CBFA2T2: variants seen among roughly 807,000 people sequenced by gnomAD.
The protein encoded by CBFA2T2 is CBFA2/RUNX1 partner transcriptional co-repressor 2, also known as protein CBFA2T2.
Under a neutral mutation model 62.2 loss-of-function variants are expected in CBFA2T2, and 11 were observed. The observed-to-expected ratio is 0.18, with a 90% CI of 0.11 to 0.29. The LOEUF (loss-of-function observed/expected upper bound fraction) is 0.29, where lower values mean the gene tolerates loss of function less well. CBFA2T2 is among the 10% of genes least tolerant of loss of function. CBFA2T2 has a pLI of 1.00. For synonymous variants in CBFA2T2, 295 were observed against 287.5 expected (o/e 1.03, Z -0.27); for missense variants, 592 against 774.1 (o/e 0.76, Z 2.79).
chr20:33,523,563 A>C (rs1419436782), intron 1 of CBFA2T2, among the ~76,000 whole-genome samples: 2 of 152,250 alleles, frequency 1.3e-5, no homozygotes, highest in Non-Finnish European at 1.5e-5. Flanking sequence ...CTAGTGATCC[A>C]ATAAGCAAAC....
chr20:33,524,622 C>CA (rs2011834107), intron 1 of CBFA2T2, among the ~76,000 whole-genome samples: 1 of 151,942 alleles, frequency 6.6e-6, no homozygotes, highest in East Asian at 1.9e-4. Context: ...AATCCAGATG[C>CA]TCACTTAAAT....
intron 1 of CBFA2T2, among the ~76,000 whole-genome samples, chr20:33,537,640 G>T (rs1252585833): frequency 1.3e-5 from 2 of 152,156 alleles, no homozygotes; most frequent in Admixed American, 6.5e-5. Context: ...GTAGTTTTTA[G>T]ATTTACATGT....
intron 3 of CBFA2T2, among the ~76,000 whole-genome samples, chr20:33,616,078 GAGATAGAT>G (rs3054967): frequency 0.071 from 10,194 of 143,214 alleles, 397 homozygotes; most frequent in East Asian, 0.083. Flanking sequence ...TCTGTAGATA[GAGATAGAT>G]AGATAGATAG....
intron 1 of CBFA2T2, among the ~76,000 whole-genome samples, chr20:33,554,248 C>CTTTTTTTTTT (rs1300197608): frequency 6.8e-6 from 1 of 146,518 alleles, no homozygotes. Flanking sequence ...ATTTTTCTTA[C>CTTTTTTTTTT]TTTTTTCTTT....
At chr20:33,517,735 T>C (rs1373941693) in intron 1 of CBFA2T2, among the ~76,000 whole-genome samples, 3 of 149,504 alleles carry the variant, frequency 2.0e-5, no homozygotes, top group Non-Finnish European at 4.4e-5. Context: ...AACCTCCGCC[T>C]CCCGGTTCAA....
At chr20:33,490,332 G>T (rs761991094) in intron 1 of CBFA2T2, 31 bp downstream of exon 1, 6 of 1,276,154 alleles carry the variant, frequency 4.7e-6, no homozygotes, top group Middle Eastern at 2.8e-4. Flanking sequence ...GGCGGCCGAG[G>T]GGGGCGTGTG....
chr20:33,642,117 TGTGTGTGTGTG>T (rs1419002448), intron 10 of CBFA2T2, among the ~76,000 whole-genome samples: 2 of 20,640 alleles, frequency 9.7e-5, no homozygotes, highest in Non-Finnish European at 1.0e-4. Flanking sequence ...TTTTTTTTTT[TGTGTGTGTGTG>T]TGTGTGTGTG....
At chr20:33,528,057 A>AT (rs1454996198) in intron 1 of CBFA2T2, among the ~76,000 whole-genome samples, 2 of 151,882 alleles carry the variant, frequency 1.3e-5, no homozygotes, top group African/African-American at 2.4e-5. Context: ...TTTTGTAGAG[A>AT]CAAGGCCTCA....
At chr20:33,557,322 T>C (rs770596278) in intron 1 of CBFA2T2, among the ~76,000 whole-genome samples, 1 of 152,026 alleles carries the variant, frequency 6.6e-6, no homozygotes, top group African/African-American at 2.4e-5. Flanking sequence ...TGTGTGCTTA[T>C]CTTTTACTTT....
intron 1 of CBFA2T2, among the ~76,000 whole-genome samples, chr20:33,546,840 G>T (rs1235502857): frequency 1.3e-5 from 2 of 151,030 alleles, no homozygotes; most frequent in Admixed American, 6.6e-5. Context: ...AGCAGCAAAA[G>T]AAAAGAAAAA....
rs540669335 is a variant in CBFA2T2, at chr20:33,628,208, T to C, written c.947-142T>C. The C allele has an allele frequency of 8.0e-5, 50 of 625,448 alleles. No individual in the cohort carries two copies. In the South Asian group the frequency reaches 9.2e-4, roughly 12 times the overall value. 38.7% of individuals were successfully genotyped at this position (625,448 alleles called of 1,614,324 possible). A position where few individuals can be genotyped will look rare whatever the true frequency, so the allele number is the denominator to read the frequency against. Reference sequence around the variant, plus strand: ...TCCTTTGTTGGTTATATTGTCATTTTGTGGGTCCCCCACCCCATTGTGAAT... The same window carrying C: ...TCCTTTGTTGGTTATATTGTCATTTCGTGGGTCCCCCACCCCATTGTGAAT... On this transcript the variant is annotated intron_variant, in intron 6 of 10. Transcript: ENST00000342704.
intron 1 of CBFA2T2, chr20:33,601,814 T>G (rs2015146674): frequency 6.6e-6 from 1 of 151,710 alleles, no homozygotes; most frequent in Non-Finnish European, 1.5e-5. Flanking sequence ...AATAGATTTT[T>G]TTTTTTTTGA....
chr20:33,624,739 A>G (rs1362285759), intron 5 of CBFA2T2, 25 bp from the exon 6 acceptor site: 1 of 1,612,358 alleles, frequency 6.2e-7, no homozygotes, highest in African/African-American at 1.3e-5. Context: ...ACAGGATCAG[A>G]TACGCACTTC....
intron 1 of CBFA2T2, among the ~76,000 whole-genome samples, chr20:33,558,687 T>C (rs1196347683): frequency 1.3e-5 from 2 of 152,182 alleles, no homozygotes; most frequent in Admixed American, 1.3e-4. Flanking sequence ...GTCTCTCGTT[T>C]TATAATAGTG....
At chr20:33,569,177 C>A (rs1182388436) in intron 1 of CBFA2T2, among the ~76,000 whole-genome samples, 1 of 152,154 alleles carries the variant, frequency 6.6e-6, no homozygotes, top group Non-Finnish European at 1.5e-5. Flanking sequence ...GGGGGTAGGG[C>A]ACACAAAAAT....
intron 1 of CBFA2T2, among the ~76,000 whole-genome samples, chr20:33,580,991 T>C (rs1272645215): frequency 6.6e-6 from 1 of 152,148 alleles, no homozygotes; most frequent in African/African-American, 2.4e-5. Context: ...TGAGTATATA[T>C]GTCTGCCCTC....
intron 1 of CBFA2T2, among the ~76,000 whole-genome samples, chr20:33,582,742 G>A (rs1489410167): frequency 6.6e-6 from 1 of 152,090 alleles, no homozygotes; most frequent in Non-Finnish European, 1.5e-5. Context: ...AGGAATTCGA[G>A]ACTAGCCTGG....
chr20:33,519,456 C>T (rs765284579), intron 1 of CBFA2T2, among the ~76,000 whole-genome samples: 25 of 151,864 alleles, frequency 1.6e-4, no homozygotes, highest in Non-Finnish European at 3.2e-4. Flanking sequence ...GGCAACAGTG[C>T]GAGACTCTGT....
chr20:33,564,603 G>T (rs1334888142), intron 1 of CBFA2T2, among the ~76,000 whole-genome samples: 8 of 151,412 alleles, frequency 5.3e-5, no homozygotes, highest in Admixed American at 5.3e-4. Context: ...TTGGGACATG[G>T]TCTCAAACTC....
Sources: gnomAD v4.1 joint callset for allele counts (sites outside exome capture counted in the v4.1 genomes callset) on GRCh38, gnomAD v4.1.1 for gene constraint, MANE v1.5 for transcripts, NCBI Gene and HGNC (gene_info 2026-07-23, HGNC 2026-07-21) for gene names.